Variants in PCDH7 observed in about 807,000 individuals in gnomAD.
The protein encoded by PCDH7 is protocadherin 7, also known as protocadherin-7.
PCDH7 carries 17 observed loss-of-function variants against 58.9 expected under a neutral mutation model. That is an observed-to-expected ratio of 0.29 (90% CI 0.20 to 0.43). The LOEUF (loss-of-function observed/expected upper bound fraction) is 0.43, where lower values mean the gene tolerates loss of function less well. Ranked by LOEUF, PCDH7 falls within the 20% of genes least tolerant of loss-of-function variation. PCDH7 has a pLI of 1.00. For synonymous variants in PCDH7, 664 were observed against 616.4 expected (o/e 1.08, Z -1.14); for missense variants, 1,274 against 1,441.0 (o/e 0.88, Z 1.88).
chr4:31,018,623 T>G (rs1009905001), intron 3 of PCDH7, among the ~76,000 whole-genome samples: 28 of 152,294 alleles, frequency 1.8e-4, no homozygotes, highest in Middle Eastern at 3.4e-3. Context: ...TCGTGTATAT[T>G]TCGATAGAAT....
chr4:30,867,902 C>T (rs934478479), intron 1 of PCDH7, among the ~76,000 whole-genome samples: 14 of 152,008 alleles, frequency 9.2e-5, no homozygotes, highest in African/African-American at 1.9e-4. Context: ...AAAAATTGCA[C>T]GATATTTTTA....
intron 1 of PCDH7, among the ~76,000 whole-genome samples, chr4:30,864,950 C>T (rs984969397): frequency 9.2e-5 from 14 of 152,062 alleles, no homozygotes; most frequent in Non-Finnish European, 1.5e-5. Flanking sequence ...TAAGTTACAA[C>T]ATAAATTAGT....
At chr4:30,945,604 ATTCTCTATTTATTTTTTTT>A (rs1347400571) in intron 2 of PCDH7, among the ~76,000 whole-genome samples, 1 of 152,012 alleles carries the variant, frequency 6.6e-6, no homozygotes, top group Non-Finnish European at 1.5e-5. Context: ...TTAAACAAGT[ATTCTCTATTTATTTTTTTT>A]AATGTGGTCT....
At chr4:31,088,583 A>G (rs1279919889) in intron 3 of PCDH7, among the ~76,000 whole-genome samples, 3 of 152,182 alleles carry the variant, frequency 2.0e-5, no homozygotes, top group African/African-American at 4.8e-5. Context: ...TTCAACTACC[A>G]CTGGTAAAAC....
At chr4:31,100,531 T>C (rs1003126668) in intron 3 of PCDH7, among the ~76,000 whole-genome samples, 11 of 152,166 alleles carry the variant, frequency 7.2e-5, no homozygotes, top group Non-Finnish European at 1.5e-4. Flanking sequence ...TTTTCTTGCG[T>C]GGTAAGCATC....
intron 1 of PCDH7, among the ~76,000 whole-genome samples, chr4:30,727,662 A>G (rs921492928): frequency 4.6e-5 from 7 of 151,840 alleles, no homozygotes; most frequent in Non-Finnish European, 7.4e-5. Context: ...TCCTTGGTAA[A>G]CCTGGTCTTG....
intron 1 of PCDH7, among the ~76,000 whole-genome samples, chr4:30,794,619 AT>A (rs59855710): frequency 0.29 from 43,488 of 151,508 alleles, 7,567 homozygotes; most frequent in African/African-American, 0.5. Flanking sequence ...TTTAAGTTTA[AT>A]TTTTTTTTCC....
intron 3 of PCDH7, among the ~76,000 whole-genome samples, chr4:30,976,202 G>A (rs1750052227): frequency 6.6e-6 from 1 of 151,966 alleles, no homozygotes; most frequent in East Asian, 1.9e-4. Context: ...CCCAGGGGCT[G>A]CAGTGCAATG....
chr4:31,012,609 A>T (rs531600051), intron 3 of PCDH7, among the ~76,000 whole-genome samples: 25 of 150,782 alleles, frequency 1.7e-4, no homozygotes, highest in Middle Eastern at 3.4e-3. Context: ...AGAAGAAAAA[A>T]ATTAACACTT....
At chr4:30,941,376 A>G (rs544015512) in intron 2 of PCDH7, among the ~76,000 whole-genome samples, 1 of 151,998 alleles carries the variant, frequency 6.6e-6, no homozygotes, top group South Asian at 2.1e-4. Context: ...ATTTGGGTAA[A>G]CTCAAAATGG....
chr4:31,078,856 T>G (rs1337587447), intron 3 of PCDH7, among the ~76,000 whole-genome samples: 1 of 151,990 alleles, frequency 6.6e-6, no homozygotes, highest in Non-Finnish European at 1.5e-5. Context: ...TATTGCAGAT[T>G]GCACAATGTT....
At chr4:30,914,148 T>G (rs562294894) in intron 1 of PCDH7, among the ~76,000 whole-genome samples, 1 of 152,194 alleles carries the variant, frequency 6.6e-6, no homozygotes, top group East Asian at 1.9e-4. Context: ...GAAAATAAAG[T>G]GAATAAAATT....
intron 3 of PCDH7, among the ~76,000 whole-genome samples, chr4:31,000,386 A>G (rs978554827): frequency 1.2e-4 from 19 of 152,146 alleles, no homozygotes; most frequent in African/African-American, 4.3e-4. Flanking sequence ...ATCTGAACGT[A>G]TTGGCCTTCA....
At chr4:31,097,287 T>C (rs1657029471) in intron 3 of PCDH7, among the ~76,000 whole-genome samples, 1 of 151,470 alleles carries the variant, frequency 6.6e-6, no homozygotes, top group Non-Finnish European at 1.5e-5. Context: ...TGAAACCCTG[T>C]CTCTAGTAAA....
intron 1 of PCDH7, among the ~76,000 whole-genome samples, chr4:30,871,605 C>A (rs1357471964): frequency 6.6e-6 from 1 of 152,076 alleles, no homozygotes. Flanking sequence ...CAGCTGGTAA[C>A]CTCTGCTAAC....
intron 1 of PCDH7, among the ~76,000 whole-genome samples, chr4:30,870,970 T>A (rs1196689504): frequency 6.6e-6 from 1 of 152,114 alleles, no homozygotes; most frequent in Non-Finnish European, 1.5e-5. Flanking sequence ...GTTGTTTGGA[T>A]GTTCTCTTGT....
At chr4:30,895,618 A>C (rs1472652858) in intron 1 of PCDH7, among the ~76,000 whole-genome samples, 1 of 152,152 alleles carries the variant, frequency 6.6e-6, no homozygotes, top group East Asian at 1.9e-4. Flanking sequence ...AAGTTAGAGC[A>C]GGACATTATT....
chr4:30,886,794 TA>T (rs879270628), intron 1 of PCDH7, among the ~76,000 whole-genome samples: 97 of 150,826 alleles, frequency 6.4e-4, no homozygotes, highest in Non-Finnish European at 1.1e-3. Context: ...TATGCAGCCA[TA>T]AAAAATGATG....
chr4:31,118,295 T>C (rs2109320090), intron 3 of PCDH7, among the ~76,000 whole-genome samples: 1 of 152,312 alleles, frequency 6.6e-6, no homozygotes, highest in Admixed American at 6.5e-5. Context: ...AGATTTACTT[T>C]GAAAGGGAAT....
Sources: gnomAD v4.1 joint callset for allele counts (sites outside exome capture counted in the v4.1 genomes callset) on GRCh38, gnomAD v4.1.1 for gene constraint, MANE v1.5 for transcripts, NCBI Gene and HGNC (gene_info 2026-07-23, HGNC 2026-07-21) for gene names.